Variants in SEPTIN12 observed in about 807,000 individuals in gnomAD.
The protein encoded by SEPTIN12 is septin 12.
SEPTIN12 carries 42 observed loss-of-function variants against 37.7 expected under a neutral mutation model. That is an observed-to-expected ratio of 1.11 (90% confidence interval 0.87 to 1.44). The LOEUF (loss-of-function observed/expected upper bound fraction) is 1.44. Among genes scored for constraint, SEPTIN12 ranks in the 40% most tolerant of loss-of-function variants. SEPTIN12 has a pLI of 0.00. For missense variants in SEPTIN12, 613 were observed against 479.2 expected (o/e 1.28, Z -2.61); for synonymous variants, 254 against 196.7 (o/e 1.29, Z -2.44).
In SEPTIN12 at chr16:4,779,750, C is replaced by T. The variant is rs1359443784; in HGVS notation, c.763G>A (p.Glu255Lys). ...IPFAVVGADQ[E>K]HLVNGRCVLG... The stretch of plus-strand genomic sequence containing the variant: ...ACACACCTCCCGTTCACCAGGTGCT[C>T]TTGGTCAGCCCCTACCACGGCAAAA... The change falls in exon 8 of 10, where the codon GAG becomes AAG. Residue 255 changes from glutamate to lysine, a missense_variant. Transcript: ENST00000268231. 6.2e-7 allele frequency: 1 copy of T among 1,613,762 alleles called. No individual in the cohort carries two copies. Among genetic ancestry groups the T allele is most frequent in the South Asian group, 1.1e-5 (1 of 91,078 alleles).
At chr16:4,789,052 T>C (rs1283747199), upstream of SEPTIN12, among the ~76,000 whole-genome samples, 1 of 152,240 alleles carries the variant, frequency 6.6e-6, no homozygotes, top group Non-Finnish European at 1.5e-5. Flanking sequence ...ACAGCCTCGC[T>C]CTGTTGCCCT....
At chr16:4,785,362 C>G (rs1298850423) in intron 4 of SEPTIN12, among the ~76,000 whole-genome samples, 1 of 139,372 alleles carries the variant, frequency 7.2e-6, no homozygotes, top group Admixed American at 7.2e-5. Context: ...GATTCTGTCT[C>G]AAAAAAAAAA....
intron 5 of SEPTIN12, 74 bp downstream of exon 5, chr16:4,783,857 C>A (rs2082402571): frequency 1.2e-6 from 2 of 1,605,328 alleles, no homozygotes; most frequent in Middle Eastern, 1.9e-4. Context: ...AGCCGGCAGC[C>A]CATGGTGGGG....
chr16:4,790,503 G>A (rs1246413911), upstream of SEPTIN12, among the ~76,000 whole-genome samples: 2 of 152,096 alleles, frequency 1.3e-5, no homozygotes, highest in Non-Finnish European at 2.9e-5. Context: ...TAGAGGCTAG[G>A]GGTCAGCCAG....
rs756844454 is a variant in SEPTIN12 at position 4,778,122 on chromosome 16, T to C, written c.839A>G (p.His280Arg). ...GTCTCTCAGGAGAGGAAATTCACAG[T>C]GCGCCATGTTCTCCACTGCAAGACA... ...WGIIEVENMA[H>R]CEFPLLRDLL... The change falls in exon 9 of 10, where the codon CAC becomes CGC. Residue 280 changes from histidine (H) to arginine (R), a missense_variant. Transcript: ENST00000268231. The C allele has an allele frequency of 1.8e-5, 29 of 1,614,068 alleles. No individual in the cohort carries two copies. The Admixed American group carries it at 3.2e-4, about 18-fold the overall frequency.
In SEPTIN12 at chr16:4,779,728, C is replaced by A. The variant is rs751070495; in HGVS notation, c.785G>T (p.Cys262Phe). The change falls in exon 8 of 10, where the codon TGT becomes TTT. Residue 262 changes from cysteine to phenylalanine, a missense_variant. Physicochemically the swap from Cys to Phe is radical, Grantham distance 205. Transcript: ENST00000268231. ...CCACTTGGTCTTCCGGCCCAGGACA[C>A]ACCTCCCGTTCACCAGGTGCTCTTG... ...ADQEHLVNGR[C>F]VLGRKTKWGI... 10 of 1,613,828 alleles carry A rather than the reference C, an allele frequency of 6.2e-6. No homozygotes were observed. Among genetic ancestry groups the A allele is most frequent in the African/African-American group, 1.3e-5 (1 of 74,938 alleles).
chr16:4,786,271 C>T (rs186862473), intron 2 of SEPTIN12, among the ~76,000 whole-genome samples, 166 bp from the exon 3 acceptor site: 1 of 151,698 alleles, frequency 6.6e-6, no homozygotes, highest in African/African-American at 2.4e-5. Context: ...CCTTCCCAGA[C>T]TCTAGTGATT....
At position 4,785,796 on chromosome 16, in the gene SEPTIN12, A is replaced by T. The variant is rs764923015; in HGVS notation, c.374+11T>A. 19 of 1,536,182 alleles carry T rather than the reference A, an allele frequency of 1.2e-5. No homozygotes were observed. In the South Asian group the frequency reaches 1.3e-4, roughly 10 times the overall value. ...TCTGCCTAAAAAAAAAAAAAAAGAG[A>T]GAGAACCTACCAGTTGTCATTGTTG... On this transcript the variant is annotated intron_variant, in intron 4 of 9. Coordinates refer to ENST00000268231, the MANE Select transcript of SEPTIN12 (RefSeq NM_144605.5).
Position 4,785,840 on chromosome 16 carries a change from G to A in SEPTIN12, c.341C>T (p.Pro114Leu), listed in dbSNP as rs779617289. Residue 114 changes from proline (P) to leucine (L), a missense_variant, in exon 4 of 10, where the codon CCC becomes CTC. Transcript: ENST00000268231. ...VKLKLTVTDT[P>L]GFGDQINNDN... Reference sequence around the variant, plus strand: ...ATTGTTGATCTGGTCCCCGAAGCCGGGCGTGTCCGTCACCGTCAGCTTCAG... The same window carrying A: ...ATTGTTGATCTGGTCCCCGAAGCCGAGCGTGTCCGTCACCGTCAGCTTCAG... 4 of 1,613,680 alleles carry A rather than the reference G, an allele frequency of 2.5e-6. No homozygotes were observed. The South Asian group carries it at 4.4e-5, about 18-fold the overall frequency.
At chr16:4,788,872 C>T (rs1044709336), upstream of SEPTIN12, 1 of 152,154 alleles carries the variant, frequency 6.6e-6, no homozygotes, top group African/African-American at 2.4e-5. Flanking sequence ...CCCTCTACTG[C>T]CTTTTTCTGG....
rs766233366 is a variant in SEPTIN12, at chr16:4,783,576, T to G, written c.631-19A>C. ...GCTGGATCTGGAGATCCCACACAGG[T>G]GACCTCAGCCCACCCTGCCCACTCT... On this transcript the variant is annotated intron_variant, in intron 6 of 9. Coordinates refer to ENST00000268231, the MANE Select transcript of SEPTIN12 (RefSeq NM_144605.5). 4.3e-6 allele frequency: 7 copies of G among 1,612,774 alleles called. No individual in the cohort carries two copies. The highest frequency in any genetic ancestry group is 5.1e-6 in the Non-Finnish European group (6 of 1,178,832).
At chr16:4,781,489 T>C (rs996484009) in intron 7 of SEPTIN12, among the ~76,000 whole-genome samples, 1 of 152,082 alleles carries the variant, frequency 6.6e-6, no homozygotes, top group Non-Finnish European at 1.5e-5. Flanking sequence ...ATCTACTTTC[T>C]GTCTCTATAG....
chr16:4,791,419 T>C (rs1328797805), upstream of SEPTIN12, among the ~76,000 whole-genome samples: 1 of 152,178 alleles, frequency 6.6e-6, no homozygotes, highest in African/African-American at 2.4e-5. Context: ...GAGCCTTCCA[T>C]CATGCTTCGA....
At chr16:4,785,785 A>T in intron 4 of SEPTIN12, 22 bp downstream of exon 4, 1 of 1,557,308 alleles carries the variant, frequency 6.4e-7, no homozygotes, top group Non-Finnish European at 8.7e-7. Flanking sequence ...CCTAAAAAAA[A>T]AAAAAAAGAG....
rs754527577 is a variant in SEPTIN12, at chr16:4,785,909, C to G, written c.293-21G>C. ...TATGACTGTGGAGGGAGAGCAGAGT[C>G]GGGAGAGACTGGACCCAGGTGGGAT... is the stretch of plus-strand genomic sequence containing the variant. On this transcript the variant is annotated intron_variant, in intron 3 of 9. Transcript: ENST00000268231. 1.1e-5 allele frequency: 11 copies of G among 993,766 alleles called. No homozygotes were observed. The Admixed American group carries it at 1.8e-4, about 16-fold the overall frequency. The allele number at this position is 993,766 out of a possible 1,614,324, so 61.6% of individuals were successfully genotyped here.
intron 7 of SEPTIN12, among the ~76,000 whole-genome samples, chr16:4,782,184 A>G (rs890731425): frequency 1.3e-5 from 2 of 151,914 alleles, no homozygotes; most frequent in Non-Finnish European, 2.9e-5. Flanking sequence ...CCCTGGCCGC[A>G]AGTGATCTGC....
chr16:4,788,986 C>T (rs1281375488), upstream of SEPTIN12, among the ~76,000 whole-genome samples: 5 of 152,176 alleles, frequency 3.3e-5, no homozygotes, highest in African/African-American at 2.4e-5. Context: ...TGGTCCTCAC[C>T]CCTGCCTTAC....
chr16:4,783,212 T>G, intron 7 of SEPTIN12: 1 of 501,458 alleles, frequency 2.0e-6, no homozygotes, highest in Non-Finnish European at 3.6e-6. Flanking sequence ...CCCGGCCCAA[T>G]GTTCTCTATA....
chr16:4,786,259 G>A (rs114025141), intron 2 of SEPTIN12, among the ~76,000 whole-genome samples, 154 bp from the exon 3 acceptor site: 18 of 150,822 alleles, frequency 1.2e-4, no homozygotes, highest in African/African-American at 4.2e-4. Flanking sequence ...CTGCAGCCTC[G>A]ACCTTCCCAG....
Sources: gnomAD v4.1 joint callset for allele counts (sites outside exome capture counted in the v4.1 genomes callset) on GRCh38, gnomAD v4.1.1 for gene constraint, MANE v1.5 for transcripts, NCBI Gene and HGNC (gene_info 2026-07-23, HGNC 2026-07-21) for gene names.